TDRD12: variants seen among roughly 807,000 people sequenced by gnomAD.
TDRD12 encodes the protein putative ATP-dependent RNA helicase TDRD12.
Under a neutral mutation model 133.5 loss-of-function variants are expected in TDRD12, and 158 were observed. That is an observed-to-expected ratio of 1.18 (90% confidence interval 1.04 to 1.35). TDRD12 has a LOEUF of 1.35. Ranked by LOEUF, TDRD12 falls within the 40% of genes most tolerant of loss-of-function variation. The probability of loss-of-function intolerance (pLI) is 0.00; values close to 1 mark genes in which losing one functional copy is unlikely to be tolerated. For synonymous variants in TDRD12, 460 were observed against 477.9 expected (o/e 0.96, Z 0.49); for missense variants, 1,443 against 1,321.3 (o/e 1.09, Z -1.43).
At position 32,791,054 on chromosome 19, in the gene TDRD12, G is replaced by A. The variant is rs747615771; in HGVS notation, c.1273G>A (p.Ala425Thr). The A allele has an allele frequency of 7.2e-5, 111 of 1,535,992 alleles. No homozygotes were observed. The South Asian group carries it at 1.1e-3, about 15-fold the overall frequency. ...AACCATTGACTCGTCGCCGCTGTCA[G>A]CAGACCTGAAGAAGGTAAAAGTGCT... The change falls in exon 13 of 28, where the codon GCA becomes ACA. Residue 425 changes from alanine to threonine, a missense_variant. Physicochemically the swap from Ala to Thr is moderately conservative, Grantham distance 58. Coordinates refer to ENST00000444215, the Ensembl canonical transcript of TDRD12.
At chr19:32,804,709 T>A (rs1424378630) in intron 21 of TDRD12, among the ~76,000 whole-genome samples, 2 of 138,810 alleles carry the variant, frequency 1.4e-5, no homozygotes, top group African/African-American at 5.3e-5. Context: ...AAAAAAAAAA[T>A]TAGCTGGGTG....
chr19:32,739,124 T>C (rs1969314109), intron 3 of TDRD12, 132 bp downstream of exon 3: 5 of 1,125,388 alleles, frequency 4.4e-6, no homozygotes, highest in Non-Finnish European at 1.2e-6. Context: ...TTCTTTAGCT[T>C]CCAGAAGGGG....
intron 24 of TDRD12, among the ~76,000 whole-genome samples, chr19:32,813,449 T>C (rs1245638029): frequency 6.6e-6 from 1 of 152,186 alleles, no homozygotes; most frequent in African/African-American, 2.4e-5. Flanking sequence ...GACCCCCGCC[T>C]TGAGCTCTGG....
At chr19:32,801,841 A>C in exon 19 of TDRD12, 1 of 1,452,156 alleles carries the variant, frequency 6.9e-7, no homozygotes, top group Non-Finnish European at 9.2e-7. Flanking sequence ...CAGTGGAAGA[A>C]GAAGTTAAGT....
chr19:32,779,515 T>C (rs1371190084), intron 11 of TDRD12, among the ~76,000 whole-genome samples: 2 of 152,122 alleles, frequency 1.3e-5, no homozygotes, highest in Non-Finnish European at 2.9e-5. Flanking sequence ...TCCTGGATAC[T>C]TGGGTAGCAG....
exon 7 of TDRD12, chr19:32,756,007 G>T (rs764943990): frequency 1.4e-6 from 2 of 1,467,122 alleles, no homozygotes; most frequent in Non-Finnish European, 1.8e-6. Flanking sequence ...TGTTAATGAT[G>T]ATCTTGTTGC....
intron 6 of TDRD12, among the ~76,000 whole-genome samples, chr19:32,754,866 G>A (rs1406699882): frequency 6.6e-6 from 1 of 151,852 alleles, no homozygotes; most frequent in Non-Finnish European, 1.5e-5. Flanking sequence ...TAGTAGAGAC[G>A]GGGTTTCTCC....
intron 11 of TDRD12, among the ~76,000 whole-genome samples, chr19:32,788,339 T>A (rs574899796): frequency 6.6e-6 from 1 of 152,072 alleles, no homozygotes; most frequent in Non-Finnish European, 1.5e-5. Context: ...CTCAAACTCC[T>A]GACCTCAAGT....
chr19:32,771,477 T>A (rs1333072028), intron 8 of TDRD12, among the ~76,000 whole-genome samples: 2 of 152,218 alleles, frequency 1.3e-5, no homozygotes, highest in Non-Finnish European at 2.9e-5. Flanking sequence ...TCATAAATAC[T>A]ATTACTTCTT....
chr19:32,732,974 G>C (rs2145439720), intron 2 of TDRD12, among the ~76,000 whole-genome samples: 1 of 152,112 alleles, frequency 6.6e-6, no homozygotes, highest in Non-Finnish European at 1.5e-5. Flanking sequence ...GGAGTTTTGT[G>C]AACAGCCTGG....
intron 22 of TDRD12, among the ~76,000 whole-genome samples, chr19:32,808,073 T>TA (rs1966886086): frequency 6.6e-6 from 1 of 152,166 alleles, no homozygotes; most frequent in Admixed American, 6.5e-5. Flanking sequence ...ACAGATTTTT[T>TA]AAAAAATAAT....
chr19:32,821,185 G>A, exon 28 of TDRD12: 1 of 1,455,218 alleles, frequency 6.9e-7, no homozygotes, highest in Non-Finnish European at 9.3e-7. Context: ...AATCGTTAAT[G>A]TCTGGAAAAT....
intron 1 of TDRD12, among the ~76,000 whole-genome samples, chr19:32,729,805 T>C (rs1290587376): frequency 7.2e-6 from 1 of 139,564 alleles, no homozygotes; most frequent in Non-Finnish European, 1.5e-5. Context: ...TTTTTTTTTT[T>C]TGTGAGATGG....
chr19:32,777,697 T>C (rs1167928650), intron 11 of TDRD12, among the ~76,000 whole-genome samples: 1 of 150,130 alleles, frequency 6.7e-6, no homozygotes, highest in African/African-American at 2.5e-5. Flanking sequence ...TAGGCTGGAG[T>C]GCAGTGGTGC....
At chr19:32,796,532 G>A (rs1599598170) in intron 14 of TDRD12, among the ~76,000 whole-genome samples, 1 of 151,330 alleles carries the variant, frequency 6.6e-6, no homozygotes, top group African/African-American at 2.4e-5. Flanking sequence ...TTGCGGTGAG[G>A]CAAGATCGCA....
chr19:32,798,507 A>AG, intron 16 of TDRD12, 72 bp downstream of exon 16: 1 of 1,311,726 alleles, frequency 7.6e-7, no homozygotes. Flanking sequence ...GGCAGGAAGG[A>AG]GGAAAAGTGT....
At chr19:32,755,684 T>C (rs1183636316) in intron 6 of TDRD12, among the ~76,000 whole-genome samples, 1 of 152,252 alleles carries the variant, frequency 6.6e-6, no homozygotes, top group African/African-American at 2.4e-5. Flanking sequence ...GTCTTTCCTT[T>C]GATGGTTCGT....
intron 3 of TDRD12, among the ~76,000 whole-genome samples, chr19:32,741,859 G>A (rs1304070045): frequency 2.6e-5 from 4 of 152,084 alleles, no homozygotes; most frequent in Admixed American, 2.0e-4. Flanking sequence ...ACCAGCCTGG[G>A]TAGCATAGTG....
intron 9 of TDRD12, among the ~76,000 whole-genome samples, 156 bp downstream of exon 32, chr19:32,826,905 G>A (rs547846202): frequency 6.6e-5 from 10 of 152,270 alleles, no homozygotes; most frequent in Admixed American, 3.3e-4. Flanking sequence ...GGTGCTAAAC[G>A]TTCTGGTTTG....
Sources: gnomAD v4.1 joint callset for allele counts (sites outside exome capture counted in the v4.1 genomes callset) on GRCh38, gnomAD v4.1.1 for gene constraint, MANE v1.5 for transcripts, NCBI Gene and HGNC (gene_info 2026-07-23, HGNC 2026-07-21) for gene names.